The following CADPS variants were observed in gnomAD, a reference collection of about 807,000 sequenced individuals.
CADPS encodes the protein calcium-dependent secretion activator 1.
Under a neutral mutation model 167.3 loss-of-function variants are expected in CADPS, and 57 were observed. The ratio of observed to expected loss-of-function variants is 0.34; its 90% confidence interval spans 0.28 to 0.42. The LOEUF is 0.42. Ranked by LOEUF, CADPS falls within the 20% of genes least tolerant of loss-of-function variation. The probability of loss-of-function intolerance (pLI) is 1.00; values close to 1 mark genes in which losing one functional copy is unlikely to be tolerated. For missense variants in CADPS, 1,414 were observed against 1,738.1 expected (o/e 0.81, Z 3.32); for synonymous variants, 676 against 635.3 (o/e 1.06, Z -0.96).
intron 1 of CADPS, among the ~76,000 whole-genome samples, chr3:62,813,566 T>C (rs906154946): frequency 3.3e-5 from 5 of 152,110 alleles, no homozygotes; most frequent in Non-Finnish European, 7.4e-5. Flanking sequence ...AAATAATTTA[T>C]GACTAAGTCC....
At chr3:62,659,612 AG>A (rs2072656120) in intron 4 of CADPS, among the ~76,000 whole-genome samples, 3 of 152,218 alleles carry the variant, frequency 2.0e-5, no homozygotes, top group Non-Finnish European at 4.4e-5. Context: ...ACATTGCTAC[AG>A]GTATCTTTCT....
chr3:62,592,551 A>G, intron 7 of CADPS, 86 bp downstream of exon 7: 1 of 976,088 alleles, frequency 1.0e-6, no homozygotes, highest in Non-Finnish European at 1.6e-6. Flanking sequence ...GCACTTGGCA[A>G]TGCTGCCTCT....
chr3:62,519,410 A>G lies in CADPS; in HGVS notation c.2292-1160T>C, dbSNP rs571870577. On this transcript the variant is annotated intron_variant, in intron 13 of 29. Transcript: ENST00000383710. Reference sequence around the variant, plus strand: ...ATGTACCTCCTGTTACGGGTTAATCAGTCAGCTTTCCTTCTTTTTTGATAA... The same window carrying G: ...ATGTACCTCCTGTTACGGGTTAATCGGTCAGCTTTCCTTCTTTTTTGATAA... Among the ~76,000 whole-genome samples the G allele has an allele frequency of 3.9e-5, 6 of 152,326 alleles. 1 individual carries two copies. In the South Asian group the frequency reaches 6.2e-4, roughly 16 times the overall value.
chr3:62,786,074 A>C (rs2092397423), intron 1 of CADPS, among the ~76,000 whole-genome samples: 1 of 152,018 alleles, frequency 6.6e-6, no homozygotes, highest in Non-Finnish European at 1.5e-5. Flanking sequence ...TTAGCTGGGC[A>C]TGGTGGTGCA....
At chr3:62,557,330 A>G in intron 10 of CADPS, 75 bp downstream of exon 10, 1 of 987,812 alleles carries the variant, frequency 1.0e-6, no homozygotes, top group Non-Finnish European at 1.6e-6. Context: ...GTAAGTGCCC[A>G]GCAATTATTA....
At chr3:62,638,524 C>T (rs1047900261) in intron 6 of CADPS, among the ~76,000 whole-genome samples, 4 of 151,970 alleles carry the variant, frequency 2.6e-5, no homozygotes, top group African/African-American at 7.2e-5. Context: ...GAAGCTGAAT[C>T]AGAAAGGAAA....
At chr3:62,595,775 A>G (rs2058819418) in intron 6 of CADPS, among the ~76,000 whole-genome samples, 1 of 152,176 alleles carries the variant, frequency 6.6e-6, no homozygotes, top group Non-Finnish European at 1.5e-5. Flanking sequence ...TGTTGCCAAA[A>G]GAGATTAACA....
intron 1 of CADPS, among the ~76,000 whole-genome samples, chr3:62,790,708 A>G (rs2092856422): frequency 1.3e-5 from 2 of 152,208 alleles, no homozygotes; most frequent in African/African-American, 4.8e-5. Flanking sequence ...GATATTGTCA[A>G]TGATCAAAAG....
chr3:62,436,170 A>T (rs780956865), intron 28 of CADPS, among the ~76,000 whole-genome samples: 1 of 152,086 alleles, frequency 6.6e-6, no homozygotes, highest in Non-Finnish European at 1.5e-5. Flanking sequence ...CCTTGCTTGT[A>T]CTTCTAATTT....
intron 3 of CADPS, among the ~76,000 whole-genome samples, chr3:62,690,712 T>C (rs1563896474): frequency 1.3e-5 from 2 of 151,786 alleles, no homozygotes; most frequent in East Asian, 2.0e-4. Context: ...ACTGTATGAG[T>C]CTAACAGAGG....
At chr3:62,774,724 A>C (rs1435566735) in intron 1 of CADPS, among the ~76,000 whole-genome samples, 1 of 152,222 alleles carries the variant, frequency 6.6e-6, no homozygotes, top group Non-Finnish European at 1.5e-5. Context: ...GGACAGTTAG[A>C]TCCTCATTTC....
chr3:62,628,341 A>C (rs890256333), intron 6 of CADPS, among the ~76,000 whole-genome samples: 1 of 152,220 alleles, frequency 6.6e-6, no homozygotes, highest in Non-Finnish European at 1.5e-5. Flanking sequence ...GCTCAGAAAA[A>C]AAGCTTATAA....
At chr3:62,807,055 C>A (rs2094137566) in intron 1 of CADPS, among the ~76,000 whole-genome samples, 1 of 152,120 alleles carries the variant, frequency 6.6e-6, no homozygotes, top group Non-Finnish European at 1.5e-5. Context: ...AGTTTGTTTT[C>A]ATGATATATT....
At chr3:62,709,857 C>G (rs775640767) in intron 3 of CADPS, among the ~76,000 whole-genome samples, 27 of 152,020 alleles carry the variant, frequency 1.8e-4, no homozygotes, top group Middle Eastern at 3.4e-3. Context: ...GCAACCTCCA[C>G]CTCCTGGGTT....
chr3:62,523,454 T>A (rs573941444), intron 13 of CADPS, among the ~76,000 whole-genome samples: 2 of 152,314 alleles, frequency 1.3e-5, no homozygotes, highest in South Asian at 4.1e-4. Context: ...TGTTAAATTG[T>A]CACTACACAC....
rs187463464 is a variant in CADPS, at chr3:62,478,753, C to A, written c.3174-337G>T. 6.6e-6 allele frequency among the ~76,000 whole-genome samples: 1 copy of A among 152,254 alleles called. No individual in the cohort carries two copies. The highest frequency in any genetic ancestry group is 2.4e-5 in the African/African-American group (1 of 41,546). ...GATGATTCAGATGAAGGCCACGAAC[C>A]AGGGGGAGAAATAGTCTCAACAGAT... On this transcript the variant is annotated intron_variant, in intron 22 of 29. Transcript: ENST00000383710. The surrounding 1 kb of genome is among the most constrained non-coding windows in gnomAD (Gnocchi z 5.7).
intron 1 of CADPS, among the ~76,000 whole-genome samples, chr3:62,774,285 A>G (rs1460333526): frequency 6.6e-6 from 1 of 152,132 alleles, no homozygotes; most frequent in Non-Finnish European, 1.5e-5. Context: ...ACCCGATAAC[A>G]TTAAAAAAAA....
chr3:62,735,606 G>C (rs997391488), intron 3 of CADPS, among the ~76,000 whole-genome samples: 1 of 152,110 alleles, frequency 6.6e-6, no homozygotes, highest in Non-Finnish European at 1.5e-5. Flanking sequence ...CCCTACAAGA[G>C]TTCAACCCAG....
At chr3:62,766,052 C>A in intron 1 of CADPS, 68 bp from the exon 2 acceptor site, 2 of 1,117,830 alleles carry the variant, frequency 1.8e-6, no homozygotes, top group Non-Finnish European at 1.4e-6. Flanking sequence ...ATACTTTATG[C>A]TGAAGATGCC....
Sources: allele counts gnomAD v4.1 joint callset (sites outside exome capture counted in the v4.1 genomes callset), GRCh38; gene constraint gnomAD v4.1.1; non-coding constraint Gnocchi (gnomAD v3.1); transcripts MANE v1.5; gene names NCBI Gene and HGNC (gene_info 2026-07-23, HGNC 2026-07-21).